The following ACSS1 variants were observed in gnomAD, a reference collection of about 807,000 sequenced individuals.
ACSS1 encodes the protein acyl-CoA synthetase short chain family member 1, also known as acetyl-coenzyme A synthetase 2-like, mitochondrial.
A neutral mutation model predicts 75.3 loss-of-function variants in ACSS1; 42 were observed. That is an observed-to-expected ratio of 0.56 (90% CI 0.44 to 0.72). The LOEUF (loss-of-function observed/expected upper bound fraction) is 0.72, where lower values mean the gene tolerates loss of function less well. Ranked by LOEUF, ACSS1 falls within the 30% of genes least tolerant of loss-of-function variation. The pLI is 0.00. For missense variants in ACSS1, 782 were observed against 935.7 expected, an observed-to-expected ratio of 0.84 and a Z score of 2.14; for synonymous variants, 380 against 376.8, an observed-to-expected ratio of 1.01 and a Z score of -0.10.
chr20:25,016,691 G>A (rs141088203), intron 7 of ACSS1, among the ~76,000 whole-genome samples: 5 of 152,358 alleles, frequency 3.3e-5, no homozygotes, highest in South Asian at 2.1e-4. Flanking sequence ...GAGATGCCCC[G>A]CAGCGCTGGT....
chr20:25,031,466 C>T (rs1600330063), intron 2 of ACSS1, among the ~76,000 whole-genome samples: 1 of 152,306 alleles, frequency 6.6e-6, no homozygotes, highest in East Asian at 1.9e-4. Context: ...TACTTATGCA[C>T]TAAAATGCCA....
At chr20:25,031,998 G>A (rs182560051) in intron 2 of ACSS1, among the ~76,000 whole-genome samples, 45 of 152,266 alleles carry the variant, frequency 3.0e-4, no homozygotes, top group Non-Finnish European at 4.4e-4. Context: ...AGTGAAGACC[G>A]CAAGCAGGGC....
rs1218708411 is a variant in ACSS1 at position 25,012,582 on chromosome 20, T to C, written c.1771+19A>G. On this transcript the variant is annotated intron_variant, in intron 12 of 13. Coordinates refer to ENST00000323482, the MANE Select transcript of ACSS1 (RefSeq NM_032501.4). ...GTGGGGTCAGGAATCAGGGAGGAGCTCATCTCCAGGACACTCACCTTCTCC... is the reference window on the plus strand; with the variant it reads ...GTGGGGTCAGGAATCAGGGAGGAGCCCATCTCCAGGACACTCACCTTCTCC... 5 of 1,613,918 alleles carry C rather than the reference T, an allele frequency of 3.1e-6. No individual in the cohort carries two copies. The highest frequency in any genetic ancestry group is 2.7e-5 in the African/African-American group (2 of 74,888).
At chr20:25,013,489 A>G in intron 10 of ACSS1, 47 bp downstream of exon 10, 1 of 1,554,120 alleles carries the variant, frequency 6.4e-7, no homozygotes, top group Admixed American at 2.0e-5. Context: ...ATAAGATTCC[A>G]GCAGTCAGCT....
intron 2 of ACSS1, among the ~76,000 whole-genome samples, chr20:25,041,134 T>C (rs549920937): frequency 6.6e-6 from 1 of 152,002 alleles, no homozygotes; most frequent in South Asian, 2.1e-4. Flanking sequence ...GGCAGGTGCC[T>C]GTAGTCCCAG....
intron 1 of ACSS1, among the ~76,000 whole-genome samples, chr20:25,050,589 C>T (rs1474376897): frequency 6.6e-6 from 1 of 151,636 alleles, no homozygotes; most frequent in South Asian, 2.1e-4. Flanking sequence ...GATGAGCAAA[C>T]GCCCTCTGCA....
At chr20:25,050,153 G>GCTAA (rs2089155983) in intron 1 of ACSS1, among the ~76,000 whole-genome samples, 2 of 152,210 alleles carry the variant, frequency 1.3e-5, no homozygotes, top group South Asian at 4.2e-4. Flanking sequence ...ATACAGTTGT[G>GCTAA]CTAACCACCC....
intron 13 of ACSS1, 142 bp from the exon 14 acceptor site, chr20:25,008,083 A>G: frequency 6.2e-6 from 7 of 1,137,054 alleles, no homozygotes; most frequent in Non-Finnish European, 8.5e-6. Context: ...CCTCCACCCC[A>G]GAGAACGGTG....
At chr20:25,050,701 T>G in intron 1 of ACSS1, among the ~76,000 whole-genome samples, 1 of 151,830 alleles carries the variant, frequency 6.6e-6, no homozygotes, top group East Asian at 1.9e-4. Flanking sequence ...CCTCACCTGC[T>G]CCCACAGCAG....
chr20:25,046,677 G>C, intron 2 of ACSS1: 1 of 652,716 alleles, frequency 1.5e-6, no homozygotes, highest in Non-Finnish European at 2.8e-6. Context: ...TTCTCAGAAG[G>C]GGCTTTGTTC....
Position 25,048,084 on chromosome 20 carries a change from C to T in ACSS1, c.431+1G>A. 6.2e-7 allele frequency: 1 copy of T among 1,613,656 alleles called. No individual in the cohort carries two copies. The highest frequency in any genetic ancestry group is 8.5e-7 in the Non-Finnish European group (1 of 1,179,878). Reference sequence around the variant, plus strand: ...ACCTTGAACATTCGAGGGCACAGTACCTGTAGGTGATCCTCACTTCCGTTC... The same window carrying T: ...ACCTTGAACATTCGAGGGCACAGTATCTGTAGGTGATCCTCACTTCCGTTC... On this transcript the variant is annotated splice_donor_variant, in intron 2 of 13. Coordinates refer to ENST00000323482, the MANE Select transcript of ACSS1 (RefSeq NM_032501.4). LOFTEE classifies it high-confidence loss of function.
At position 25,021,492 on chromosome 20, in the gene ACSS1, G is replaced by A. The variant is rs546004295; in HGVS notation, c.1005C>T (p.Ala335=). ...HQPGDIFGCV[A]DIGWITGHSY... is the part of the protein sequence containing the mutation. ...TGTGTCCTGTAATCCAACCGATGTC[G>A]GCCACACAGCCAAAGATGTCACCTG... is the stretch of plus-strand genomic sequence containing the variant. The change falls in exon 6 of 14, where the codon GCC becomes GCT. Residue 335 remains alanine (A), a synonymous_variant. Coordinates refer to ENST00000323482, the MANE Select transcript of ACSS1 (RefSeq NM_032501.4). The A allele has an allele frequency of 6.2e-6, 10 of 1,614,148 alleles. No homozygotes were observed. The highest frequency in any genetic ancestry group is 2.2e-5 in the East Asian group (1 of 44,882).
intron 7 of ACSS1, among the ~76,000 whole-genome samples, chr20:25,016,586 C>T (rs559454636): frequency 2.4e-4 from 36 of 152,202 alleles, no homozygotes; most frequent in Admixed American, 1.2e-3. Flanking sequence ...CCAGCAGTGG[C>T]CCCCGCATCC....
rs2089267327 is a variant in ACSS1 at position 25,057,883 on chromosome 20, C to T, written c.220G>A (p.Gly74Arg). The T allele has an allele frequency of 1.9e-6, 3 of 1,612,558 alleles. No homozygotes were observed. The highest frequency in any genetic ancestry group is 1.7e-6 in the Non-Finnish European group (2 of 1,179,642). Residue 74 changes from glycine to arginine, a missense_variant, in exon 1 of 14, where the codon GGG (glycine) becomes AGG (arginine). Around this residue, in one of 2 missense-constraint regions of ACSS1, gnomAD observed 377 missense variants for 383.1 expected, o/e 0.98. Coordinates refer to ENST00000323482, the MANE Select transcript of ACSS1 (RefSeq NM_032501.4). ...ACGAGAGTGTCCCGCGCCAGAGGCCCCCAGAAGGCGGCCGGCTCCCGGGCT... is the reference window on the plus strand; with the variant it reads ...ACGAGAGTGTCCCGCGCCAGAGGCCTCCAGAAGGCGGCCGGCTCCCGGGCT... ...QAAREPAAFW[G>R]PLARDTLVWD... is the part of the protein sequence containing the mutation.
intron 2 of ACSS1, chr20:25,032,651 C>T (rs2088846779): frequency 8.2e-7 from 1 of 1,222,306 alleles, no homozygotes; most frequent in Non-Finnish European, 1.0e-6. Context: ...CTCAAGGCCG[C>T]TCGCAGCGTG....
intron 1 of ACSS1, among the ~76,000 whole-genome samples, chr20:25,055,669 C>A (rs1053061198): frequency 6.6e-6 from 1 of 152,096 alleles, no homozygotes; most frequent in Admixed American, 6.5e-5. Flanking sequence ...CTCAAAAGTT[C>A]TCAGGTAATG....
rs2088812180 is a variant in ACSS1, at chr20:25,030,896, C to G, written c.494G>C (p.Gly165Ala). The G allele has an allele frequency of 6.2e-7, 1 of 1,614,112 alleles. No homozygotes were observed. The highest frequency in any genetic ancestry group is 1.3e-5 in the African/African-American group (1 of 74,942). The change falls in exon 3 of 14, where the codon GGG (glycine) becomes GCG (alanine). Residue 165 changes from glycine (G) to alanine (A), a missense_variant. This residue lies in a region of ACSS1 where 377 missense variants were observed against 383.1 expected (regional missense o/e 0.98). Coordinates refer to ENST00000323482, the MANE Select transcript of ACSS1 (RefSeq NM_032501.4). ...NTLKRHGVHR[G>A]DRVAIYMPVS... ...GGGCATGTAGATGGCAACACGGTCC[C>G]CACGGTGGACTCCATGCCTCTTCAG...
At chr20:25,044,026 C>T (rs1186027285) in intron 2 of ACSS1, among the ~76,000 whole-genome samples, 2 of 152,204 alleles carry the variant, frequency 1.3e-5, no homozygotes, top group East Asian at 3.9e-4. Flanking sequence ...CTGGCACCCA[C>T]AGTCCACTCT....
chr20:25,028,545 G>A (rs2088767921), intron 3 of ACSS1, among the ~76,000 whole-genome samples: 1 of 152,180 alleles, frequency 6.6e-6, no homozygotes, highest in South Asian at 2.1e-4. Context: ...AAATGGCGCT[G>A]GGACCACTGG....
Sources: allele counts gnomAD v4.1 joint callset (sites outside exome capture counted in the v4.1 genomes callset), GRCh38; gene constraint gnomAD v4.1.1; regional missense constraint gnomAD v4.1.1; transcripts MANE v1.5; gene names NCBI Gene and HGNC (gene_info 2026-07-23, HGNC 2026-07-21).